The following GLIS3 variants were observed in gnomAD, a reference collection of about 807,000 sequenced individuals.
GLIS3 encodes zinc finger protein GLIS3.
GLIS3 carries 53 observed loss-of-function variants against 78.6 expected under a neutral mutation model. The observed-to-expected ratio is 0.67, with a 90% CI of 0.54 to 0.85. The LOEUF is 0.85. Ranked by LOEUF, GLIS3 falls within the 40% of genes least tolerant of loss-of-function variation. The pLI, the probability that GLIS3 is intolerant of heterozygous loss-of-function variation, is 0.00. For synonymous variants in GLIS3, 684 were observed against 509.9 expected (o/e 1.34, Z -4.60); for missense variants, 1,703 against 1,231.1 (o/e 1.38, Z -5.74).
rs1237094400 is a variant in GLIS3 at position 4,118,493 on chromosome 9, C to A, written c.985G>T (p.Ala329Ser). The change falls in exon 4 of 11, where the codon GCC (alanine) becomes TCC (serine). Residue 329 changes from alanine (A) to serine (S), a missense_variant. By Grantham distance (99) the Ala-to-Ser change is moderately conservative. Coordinates refer to ENST00000381971, the MANE Select transcript of GLIS3 (RefSeq NM_001042413.2). The surrounding 1 kb of genome is among the most constrained non-coding windows in gnomAD (Gnocchi z 4.7). ...IIRTSPTSLV[A>S]YINGSRASPA... is the part of the protein sequence containing the mutation. The stretch of plus-strand genomic sequence containing the variant: ...GAAGCCCTCGACCCGTTGATGTAGG[C>A]CACCAAGGACGTGGGCGACGTGCGG... 1 of 1,614,162 alleles carries A rather than the reference C, an allele frequency of 6.2e-7. No individual in the cohort carries two copies. The highest frequency in any genetic ancestry group is 8.5e-7 in the Non-Finnish European group (1 of 1,180,028).
chr9:4,337,706 C>T (rs1817774433), intron 2 of GLIS3, among the ~76,000 whole-genome samples: 1 of 152,068 alleles, frequency 6.6e-6, no homozygotes, highest in Non-Finnish European at 1.5e-5. Flanking sequence ...ATCACAAGGC[C>T]AGACAAAAGC....
intron 2 of GLIS3, among the ~76,000 whole-genome samples, chr9:4,151,321 T>A (rs1402142681): frequency 6.6e-6 from 1 of 152,186 alleles, no homozygotes; most frequent in Non-Finnish European, 1.5e-5. Context: ...GAGGTTCAGT[T>A]TGAGTTTGCC....
At chr9:3,879,389 G>A (rs751124043) in intron 8 of GLIS3, 38 bp downstream of exon 8, 67 of 1,603,848 alleles carry the variant, frequency 4.2e-5, no homozygotes, top group Non-Finnish European at 5.3e-5. Flanking sequence ...GAGGTTTGGC[G>A]GCGACACCTA....
intron 4 of GLIS3, among the ~76,000 whole-genome samples, chr9:4,047,653 A>G (rs936676575): frequency 1.3e-5 from 2 of 152,192 alleles, no homozygotes; most frequent in Non-Finnish European, 2.9e-5. Flanking sequence ...GAAGCTCACA[A>G]TCTAGGGAAA....
intron 2 of GLIS3, among the ~76,000 whole-genome samples, chr9:4,259,692 G>C (rs1485880472): frequency 6.6e-6 from 1 of 152,182 alleles, no homozygotes; most frequent in Admixed American, 6.5e-5. Context: ...CCTAGCGAAG[G>C]AGGCAGGACC....
At chr9:4,302,009 G>A (rs1034331900), upstream of GLIS3, among the ~76,000 whole-genome samples, 3 of 149,470 alleles carry the variant, frequency 2.0e-5, no homozygotes, top group African/African-American at 7.4e-5. Context: ...TTTTTTTCTG[G>A]CCAAGAATGT....
intron 4 of GLIS3, among the ~76,000 whole-genome samples, chr9:4,029,339 G>C (rs1823615420): frequency 6.6e-6 from 1 of 151,630 alleles, no homozygotes; most frequent in African/African-American, 2.4e-5. Context: ...TGGGTTCATA[G>C]TAGGTGTATA....
At position 4,020,399 on chromosome 9, in the gene GLIS3, T is replaced by A. The variant is rs185724381; in HGVS notation, c.1711-83210A>T. ...CACTCTTCCTGGCAGAGATGTGGGTTGTCAAGGCCCCTCTCAAACCAAGCA... is the reference window on the plus strand; with the variant it reads ...CACTCTTCCTGGCAGAGATGTGGGTAGTCAAGGCCCCTCTCAAACCAAGCA... On this transcript the variant is annotated intron_variant, in intron 4 of 10. Coordinates refer to ENST00000381971, the MANE Select transcript of GLIS3 (RefSeq NM_001042413.2). Among the ~76,000 whole-genome samples the A allele has an allele frequency of 2.2e-3, 341 of 152,340 alleles. 1 individual carries two copies. Among genetic ancestry groups the A allele is most frequent in the South Asian group, 4.8e-3 (23 of 4,828 alleles).
intron 4 of GLIS3, among the ~76,000 whole-genome samples, chr9:4,078,862 G>C (rs562031635): frequency 4.3e-4 from 66 of 152,272 alleles, no homozygotes; most frequent in African/African-American, 1.4e-3. Context: ...TGGATCATCA[G>C]AATAAGAGAA....
chr9:4,383,127 G>A, the GLIS3 span, among the ~76,000 whole-genome samples: 3 of 152,212 alleles, frequency 2.0e-5, no homozygotes, highest in African/African-American at 4.8e-5. Flanking sequence ...GACTTAATGT[G>A]AGAAAGCAAG....
chr9:4,024,705 A>G (rs1024458104), intron 4 of GLIS3, among the ~76,000 whole-genome samples: 40 of 152,194 alleles, frequency 2.6e-4, no homozygotes, highest in African/African-American at 9.6e-4. Context: ...AGAGGCCAGG[A>G]CTTTTAAGAT....
At chr9:4,123,752 T>C in intron 3 of GLIS3, 2 of 398,106 alleles carry the variant, frequency 5.0e-6, no homozygotes, top group Non-Finnish European at 8.9e-6. Context: ...TGGAAGGATG[T>C]ATATCAAAAT....
chr9:4,329,103 A>G (rs1817645902), intron 2 of GLIS3, among the ~76,000 whole-genome samples: 1 of 152,158 alleles, frequency 6.6e-6, no homozygotes, highest in South Asian at 2.1e-4. Context: ...ACCTTTTTCA[A>G]TCCACCAATA....
At chr9:4,247,731 G>GA (rs1406885852) in intron 2 of GLIS3, among the ~76,000 whole-genome samples, 3 of 152,118 alleles carry the variant, frequency 2.0e-5, no homozygotes, top group Admixed American at 1.3e-4. Context: ...AGTATACTGA[G>GA]AAAATCCCAA....
chr9:4,338,024 C>CTGTGTG (rs74777663), intron 2 of GLIS3, among the ~76,000 whole-genome samples: 1,804 of 139,022 alleles, frequency 0.013, 28 homozygotes, highest in African/African-American at 0.027. Context: ...ATTGGCAAGG[C>CTGTGTG]TGTGTGTGTG....
At chr9:4,127,546 G>A (rs984147527) in intron 2 of GLIS3, among the ~76,000 whole-genome samples, 2 of 151,680 alleles carry the variant, frequency 1.3e-5, no homozygotes, top group Non-Finnish European at 2.9e-5. Context: ...AGAATAGTAG[G>A]TACACTTTTA....
At chr9:4,420,545 T>C in the GLIS3 span, among the ~76,000 whole-genome samples, 2 of 152,158 alleles carry the variant, frequency 1.3e-5, no homozygotes, top group African/African-American at 2.4e-5. Flanking sequence ...AGGTGGGGAA[T>C]ACCAGAGCAT....
chr9:4,182,050 T>C (rs990881568), intron 2 of GLIS3, among the ~76,000 whole-genome samples: 6 of 152,220 alleles, frequency 3.9e-5, no homozygotes, highest in Non-Finnish European at 8.8e-5. Context: ...AAGATGCAAA[T>C]GCATCCATTC....
At chr9:3,985,016 C>T (rs1346978982) in intron 4 of GLIS3, among the ~76,000 whole-genome samples, 1 of 151,982 alleles carries the variant, frequency 6.6e-6, no homozygotes, top group East Asian at 1.9e-4. Flanking sequence ...TCCATTAAAC[C>T]TCTTTCTTTT....
Sources: allele counts gnomAD v4.1 joint callset (sites outside exome capture counted in the v4.1 genomes callset), GRCh38; gene constraint gnomAD v4.1.1; non-coding constraint Gnocchi (gnomAD v3.1); transcripts MANE v1.5; gene names NCBI Gene and HGNC (gene_info 2026-07-23, HGNC 2026-07-21).